Variants in KAZN observed in about 807,000 individuals in gnomAD.
The protein encoded by KAZN is kazrin, periplakin interacting protein, also known as kazrin.
A neutral mutation model predicts 87.4 loss-of-function variants in KAZN; 40 were observed. The ratio of observed to expected loss-of-function variants is 0.46; its 90% CI spans 0.36 to 0.60. KAZN has a LOEUF of 0.60. KAZN is among the 20% of genes least tolerant of loss of function. KAZN has a pLI of 0.00. For synonymous variants in KAZN, 466 were observed against 458.3 expected, an observed-to-expected ratio of 1.02 and a Z score of -0.22; for missense variants, 898 against 1,073.9, an observed-to-expected ratio of 0.84 and a Z score of 2.29.
intron 2 of KAZN, among the ~76,000 whole-genome samples, chr1:14,422,951 A>G (rs1409647937): frequency 6.6e-6 from 1 of 152,242 alleles, no homozygotes; most frequent in Non-Finnish European, 1.5e-5. Context: ...TTCTTTGCCT[A>G]AGGGCTGACT....
chr1:14,076,261 A>T (rs1643455875), intron 1 of KAZN, among the ~76,000 whole-genome samples: 1 of 152,020 alleles, frequency 6.6e-6, no homozygotes, highest in South Asian at 2.1e-4. Context: ...AGCCTGGGTG[A>T]CAGAGCGAGA....
At chr1:14,686,804 G>T (rs1244945680) in intron 1 of KAZN, among the ~76,000 whole-genome samples, 1 of 152,224 alleles carries the variant, frequency 6.6e-6, no homozygotes. Context: ...GGGCTGCATG[G>T]CCCAAGGCTT....
chr1:15,100,035 G>A (rs189936199), intron 10 of KAZN, among the ~76,000 whole-genome samples: 80 of 152,280 alleles, frequency 5.3e-4, no homozygotes, highest in African/African-American at 1.5e-3. Context: ...GCCAGGCAGC[G>A]TTAAGAGGAC....
At chr1:14,503,220 G>C (rs183248444) in intron 2 of KAZN, among the ~76,000 whole-genome samples, 1 of 151,978 alleles carries the variant, frequency 6.6e-6, no homozygotes, top group East Asian at 2.0e-4. Flanking sequence ...GTGGTGGCTC[G>C]TGCCTGTAAT....
At chr1:15,040,115 G>A (rs769694342) in intron 3 of KAZN, among the ~76,000 whole-genome samples, 3 of 152,236 alleles carry the variant, frequency 2.0e-5, no homozygotes, top group Non-Finnish European at 4.4e-5. Flanking sequence ...AGGTCCGCAA[G>A]GGTCAAGTGA....
intron 1 of KAZN, among the ~76,000 whole-genome samples, chr1:14,896,614 C>A (rs532288734): frequency 6.6e-6 from 1 of 152,242 alleles, no homozygotes; most frequent in Non-Finnish European, 1.5e-5. Context: ...GAGCAGGCTG[C>A]GGCTGTATCA....
At chr1:14,877,563 G>C (rs913496486) in intron 1 of KAZN, among the ~76,000 whole-genome samples, 3 of 152,168 alleles carry the variant, frequency 2.0e-5, no homozygotes, top group African/African-American at 7.2e-5. Context: ...GTCACCACAA[G>C]TCCTTGGTCA....
At chr1:14,025,041 A>C (rs1284207399) in intron 1 of KAZN, among the ~76,000 whole-genome samples, 1 of 152,226 alleles carries the variant, frequency 6.6e-6, no homozygotes, top group Non-Finnish European at 1.5e-5. Context: ...TCAGGGTTAA[A>C]AGCATTTGGA....
At chr1:13,951,946 G>A (rs1363249346) in intron 1 of KAZN, among the ~76,000 whole-genome samples, 1 of 152,138 alleles carries the variant, frequency 6.6e-6, no homozygotes, top group Non-Finnish European at 1.5e-5. Context: ...ATTATCAGTT[G>A]GGTAGTTTTA....
intron 1 of KAZN, among the ~76,000 whole-genome samples, chr1:14,049,571 A>G (rs980077636): frequency 3.3e-5 from 5 of 152,176 alleles, no homozygotes; most frequent in African/African-American, 1.2e-4. Flanking sequence ...TATCATCACC[A>G]GGGTGCTTCT....
Position 14,996,026 on chromosome 1 carries a change from T to G in KAZN, c.418+35151T>G, listed in dbSNP as rs982992333. On this transcript the variant is annotated intron_variant, in intron 2 of 14. Transcript: ENST00000376030. This position sits in a 1 kb window ranked among gnomAD's most constrained non-coding sequence, Gnocchi z 5.9. ...AAGGGCGGCTGCCCTATAAGACACC[T>G]AATGCCATCCTCAGCCCGCGGCCCT... 6.6e-6 allele frequency among the ~76,000 whole-genome samples: 1 copy of G among 152,124 alleles called. No homozygotes were observed. The highest frequency in any genetic ancestry group is 2.4e-5 in the African/African-American group (1 of 41,422).
chr1:14,727,775 T>C (rs1643472166), intron 1 of KAZN, among the ~76,000 whole-genome samples: 1 of 151,898 alleles, frequency 6.6e-6, no homozygotes, highest in African/African-American at 2.4e-5. Context: ...GTGTATTTTA[T>C]TTCTATCATT....
At chr1:14,562,094 CT>C (rs1048069529) in intron 2 of KAZN, among the ~76,000 whole-genome samples, 1 of 152,106 alleles carries the variant, frequency 6.6e-6, no homozygotes, top group Non-Finnish European at 1.5e-5. Flanking sequence ...ATCTCTTAAG[CT>C]TTTATTAGGT....
At chr1:14,408,806 G>T (rs1030010050) in intron 2 of KAZN, among the ~76,000 whole-genome samples, 5 of 152,010 alleles carry the variant, frequency 3.3e-5, no homozygotes, top group African/African-American at 1.2e-4. Flanking sequence ...ATTCTAGAGG[G>T]CATGACAAAC....
chr1:15,084,694 C>T (rs905554330), intron 8 of KAZN, among the ~76,000 whole-genome samples: 5 of 152,170 alleles, frequency 3.3e-5, no homozygotes, highest in African/African-American at 1.2e-4. Context: ...CATGAAGTGG[C>T]CCCTGGACCC....
At chr1:14,524,632 C>T (rs1671769933) in intron 2 of KAZN, among the ~76,000 whole-genome samples, 1 of 152,126 alleles carries the variant, frequency 6.6e-6, no homozygotes, top group Admixed American at 6.5e-5. Flanking sequence ...AATTTAACCC[C>T]CCAGGCATGT....
intron 1 of KAZN, among the ~76,000 whole-genome samples, chr1:14,927,094 C>T (rs10927578): frequency 6.6e-6 from 1 of 152,084 alleles, no homozygotes; most frequent in Admixed American, 6.5e-5. Context: ...CCTGCTTCTG[C>T]CTCGATTGCG....
chr1:13,976,438 C>T (rs113982871), intron 1 of KAZN, among the ~76,000 whole-genome samples: 1 of 151,910 alleles, frequency 6.6e-6, no homozygotes, highest in African/African-American at 2.4e-5. Context: ...AAAGGAGAAA[C>T]ATTATTTCCC....
chr1:14,917,845 T>TCTTTCTTC, intron 1 of KAZN, among the ~76,000 whole-genome samples: 1 of 113,196 alleles, frequency 8.8e-6, no homozygotes, highest in Non-Finnish European at 1.9e-5. Flanking sequence ...TGTACTTCTT[T>TCTTTCTTC]CTTTCTTCCT....
Sources: allele counts gnomAD v4.1 joint callset (sites outside exome capture counted in the v4.1 genomes callset), GRCh38; gene constraint gnomAD v4.1.1; non-coding constraint Gnocchi (gnomAD v3.1); transcripts MANE v1.5; gene names NCBI Gene and HGNC (gene_info 2026-07-23, HGNC 2026-07-21).